Variants in VPS26A observed in about 807,000 individuals in gnomAD.
The protein encoded by VPS26A is VPS26 retromer complex component A.
A neutral mutation model predicts 42.4 loss-of-function variants in VPS26A; 22 were observed. That is an observed-to-expected ratio of 0.52 (90% CI 0.37 to 0.74). The LOEUF is 0.74. Ranked by LOEUF, VPS26A falls within the 30% of genes least tolerant of loss-of-function variation. VPS26A has a pLI of 0.00. For missense variants in VPS26A, 276 were observed against 379.2 expected, an observed-to-expected ratio of 0.73 and a Z score of 2.26; for synonymous variants, 110 against 123.5, an observed-to-expected ratio of 0.89 and a Z score of 0.73.
At chr10:69,134,693 CT>C (rs964011111) in intron 2 of VPS26A, among the ~76,000 whole-genome samples, 12 of 149,850 alleles carry the variant, frequency 8.0e-5, no homozygotes, top group Non-Finnish European at 1.3e-4. Context: ...TGCATTGTCT[CT>C]TCTGGTCCTT....
rs1207742918 is a variant in VPS26A at position 69,171,831 on chromosome 10, G to T, written c.*562G>T. ...AGAAAAGCATATGGAGTGTTTCACCGCAGGCACTTCTGAGTACCATTCCAT... is the reference window on the plus strand; with the variant it reads ...AGAAAAGCATATGGAGTGTTTCACCTCAGGCACTTCTGAGTACCATTCCAT... On this transcript the variant is annotated 3_prime_UTR_variant, in exon 9 of 9. Coordinates refer to ENST00000263559, the MANE Select transcript of VPS26A (RefSeq NM_004896.5). 2 of 152,626 alleles carry T rather than the reference G, an allele frequency of 1.3e-5. No homozygotes were observed. The highest frequency in any genetic ancestry group is 2.4e-5 in the African/African-American group (1 of 41,412). 9.5% of individuals were successfully genotyped at this position (152,626 alleles called of 1,614,324 possible).
chr10:69,152,796 C>G (rs1038106237), intron 2 of VPS26A, among the ~76,000 whole-genome samples: 1 of 151,754 alleles, frequency 6.6e-6, no homozygotes, highest in Non-Finnish European at 1.5e-5. Flanking sequence ...GGTGAAACCC[C>G]GTCTGTACTA....
chr10:69,149,750 T>G (rs1257657200), intron 2 of VPS26A, among the ~76,000 whole-genome samples: 27 of 84,172 alleles, frequency 3.2e-4, no homozygotes, highest in Admixed American at 7.0e-4. Context: ...TTTTTTTTTT[T>G]TTTTTTTTTT....
intron 2 of VPS26A, among the ~76,000 whole-genome samples, chr10:69,146,780 T>A (rs1841169625): frequency 1.3e-5 from 2 of 152,226 alleles, no homozygotes; most frequent in Non-Finnish European, 1.5e-5. Flanking sequence ...CCAGATAATA[T>A]TCTAATATAT....
intron 2 of VPS26A, among the ~76,000 whole-genome samples, chr10:69,155,529 T>G (rs1218406507): frequency 6.6e-6 from 1 of 152,220 alleles, no homozygotes; most frequent in African/African-American, 2.4e-5. Context: ...TGAAGGCTGT[T>G]CCTTTCTTTG....
chr10:69,129,084 T>C (rs1466515774), intron 1 of VPS26A, among the ~76,000 whole-genome samples: 3 of 151,726 alleles, frequency 2.0e-5, no homozygotes, highest in Non-Finnish European at 4.4e-5. Context: ...GTGGATGTCA[T>C]AAGGAAGGAG....
chr10:69,155,614 G>C (rs1260428164), intron 2 of VPS26A, among the ~76,000 whole-genome samples, 198 bp from the exon 3 acceptor site: 1 of 152,090 alleles, frequency 6.6e-6, no homozygotes, highest in African/African-American at 2.4e-5. Context: ...TAAATAAGAG[G>C]TTCACCCATG....
At chr10:69,142,352 C>G (rs1589350848) in intron 2 of VPS26A, among the ~76,000 whole-genome samples, 1 of 94,174 alleles carries the variant, frequency 1.1e-5, no homozygotes, top group Non-Finnish European at 2.9e-5. Context: ...CCCTGCCTGG[C>G]TAATTAAAAA....
chr10:69,132,848 G>A (rs758055963), intron 1 of VPS26A, 50 bp from the exon 2 acceptor site: 1 of 1,511,936 alleles, frequency 6.6e-7, no homozygotes, highest in East Asian at 2.4e-5. Flanking sequence ...ATTATAAAAT[G>A]TAGTGACTGA....
At chr10:69,159,046 T>C (rs1841494174) in intron 5 of VPS26A, among the ~76,000 whole-genome samples, 1 of 152,144 alleles carries the variant, frequency 6.6e-6, no homozygotes, top group Non-Finnish European at 1.5e-5. Context: ...AAATAAATTA[T>C]GGTCCAGCCA....
intron 2 of VPS26A, among the ~76,000 whole-genome samples, chr10:69,149,197 CA>C (rs1287470712): frequency 1.3e-5 from 2 of 152,040 alleles, no homozygotes; most frequent in African/African-American, 4.8e-5. Flanking sequence ...GTAGATTAAC[CA>C]AGTGACCAAA....
At chr10:69,171,057 G>A in intron 8 of VPS26A, 99 bp from the exon 9 acceptor site, 1 of 1,006,632 alleles carries the variant, frequency 9.9e-7, no homozygotes, top group Non-Finnish European at 1.5e-6. Flanking sequence ...TTGTAGGGAA[G>A]AATTTAATTT....
At chr10:69,147,831 C>G (rs1194046851) in intron 2 of VPS26A, among the ~76,000 whole-genome samples, 3 of 152,100 alleles carry the variant, frequency 2.0e-5, no homozygotes, top group Non-Finnish European at 4.4e-5. Flanking sequence ...TCCCACCTCA[C>G]CTTCCTGAGT....
At position 69,156,905 on chromosome 10, in the gene VPS26A, A is replaced by G. The variant is rs1262400128; in HGVS notation, c.230-102A>G. On this transcript the variant is annotated intron_variant, in intron 3 of 8. Transcript: ENST00000263559. Reference sequence around the variant, plus strand: ...GTCTAGTTTATTAGAGACAAACTCAATAATTCTTTTGGTAAAAATCGTTTG... The same window carrying G: ...GTCTAGTTTATTAGAGACAAACTCAGTAATTCTTTTGGTAAAAATCGTTTG... The G allele has an allele frequency of 2.4e-5, 27 of 1,110,724 alleles. No individual in the cohort carries two copies. In the South Asian group the frequency reaches 3.0e-4, roughly 12 times the overall value. The allele number at this position is 1,110,724 out of a possible 1,614,324, so 68.8% of individuals were successfully genotyped here.
At chr10:69,145,509 C>T (rs375350892) in intron 2 of VPS26A, among the ~76,000 whole-genome samples, 2 of 152,038 alleles carry the variant, frequency 1.3e-5, no homozygotes, top group African/African-American at 4.8e-5. Context: ...TGTCATACCA[C>T]CTTTGTCATA....
chr10:69,162,387 A>G lies in VPS26A; in HGVS notation c.552-19A>G. 8.0e-7 allele frequency: 1 copy of G among 1,255,948 alleles called. No homozygotes were observed. The highest frequency in any genetic ancestry group is 1.1e-6 in the Non-Finnish European group (1 of 877,486). The allele number at this position is 1,255,948 out of a possible 1,614,324, so 77.8% of individuals were successfully genotyped here. ...TGTTTTTAAACTGATATTTAGTGAGATATGTTCTTCCCCAATAGGTATCAT... is the reference window on the plus strand; with the variant it reads ...TGTTTTTAAACTGATATTTAGTGAGGTATGTTCTTCCCCAATAGGTATCAT... On this transcript the variant is annotated intron_variant, in intron 5 of 8. Transcript: ENST00000263559.
chr10:69,166,301 A>C (rs894537744), intron 7 of VPS26A, among the ~76,000 whole-genome samples, 191 bp downstream of exon 7: 1 of 152,210 alleles, frequency 6.6e-6, no homozygotes, highest in African/African-American at 2.4e-5. Flanking sequence ...AATAAGGTTT[A>C]ATTTTTCAGT....
At chr10:69,127,747 T>TTTTTTTTA (rs1840694145) in intron 1 of VPS26A, among the ~76,000 whole-genome samples, 1 of 148,016 alleles carries the variant, frequency 6.8e-6, no homozygotes, top group African/African-American at 2.5e-5. Context: ...TTTTTTTTTT[T>TTTTTTTTA]TTTTGAGACA....
chr10:69,129,552 A>T lies in VPS26A; in HGVS notation c.4-3346A>T, dbSNP rs1010581360. Reference sequence around the variant, plus strand: ...TAAAACGTGTCAAAAAGAAAAAAAAATTTTTTTTTTTTTTAAACAGAGTCT... The same window carrying T: ...TAAAACGTGTCAAAAAGAAAAAAAATTTTTTTTTTTTTTTAAACAGAGTCT... On this transcript the variant is annotated intron_variant, in intron 1 of 8. Transcript: ENST00000263559. 3.0e-4 allele frequency among the ~76,000 whole-genome samples: 44 copies of T among 147,200 alleles called. 1 individual carries two copies. The highest frequency in any genetic ancestry group is 5.7e-4 in the African/African-American group (23 of 40,264).
Sources: allele counts gnomAD v4.1 joint callset (sites outside exome capture counted in the v4.1 genomes callset), GRCh38; gene constraint gnomAD v4.1.1; transcripts MANE v1.5; gene names NCBI Gene and HGNC (gene_info 2026-07-23, HGNC 2026-07-21).